The following RBM20 variants were observed in gnomAD, a reference collection of about 807,000 sequenced individuals.
RBM20 encodes the protein RNA binding motif protein 20, also known as RNA-binding protein 20.
A neutral mutation model predicts 110.1 loss-of-function variants in RBM20; 51 were observed. The observed-to-expected ratio is 0.46, with a 90% CI of 0.37 to 0.59. RBM20 has a LOEUF of 0.59. Among genes scored for constraint, RBM20 ranks in the 20% least tolerant of loss-of-function variants. The pLI, the probability that RBM20 is intolerant of heterozygous loss-of-function variation, is 0.00. For synonymous variants in RBM20, 589 were observed against 618.2 expected (o/e 0.95, Z 0.70); for missense variants, 1,512 against 1,574.9 (o/e 0.96, Z 0.68).
At chr10:110,724,644 G>A (rs774597874) in intron 1 of RBM20, among the ~76,000 whole-genome samples, 3 of 152,120 alleles carry the variant, frequency 2.0e-5, no homozygotes, top group Non-Finnish European at 2.9e-5. Flanking sequence ...GGGCCATATC[G>A]TTGCCCTGGT....
intron 12 of RBM20, among the ~76,000 whole-genome samples, chr10:110,829,791 C>A (rs1845026279): frequency 6.6e-6 from 1 of 152,154 alleles, no homozygotes; most frequent in Non-Finnish European, 1.5e-5. Context: ...GAGACCTTGC[C>A]TGTCCCCATC....
chr10:110,643,251 C>T (rs1474885210), upstream of RBM20, among the ~76,000 whole-genome samples: 1 of 152,258 alleles, frequency 6.6e-6, no homozygotes, highest in Non-Finnish European at 1.5e-5. Context: ...ACTTAGAACT[C>T]CTGTATGCCG....
At position 110,697,021 on chromosome 10, in the gene RBM20, A is replaced by G. The variant is rs188377760; in HGVS notation, c.191+52376A>G. On this transcript the variant is annotated intron_variant, in intron 1 of 13. Coordinates refer to ENST00000369519, the MANE Select transcript of RBM20 (RefSeq NM_001134363.3). ...TCATCATAGATTAGTTTTGTTGGGG[A>G]CTTTTTTAGACTATCCACTTCTTAA... 1.8e-4 allele frequency among the ~76,000 whole-genome samples: 28 copies of G among 152,272 alleles called. No homozygotes were observed. In the South Asian group the frequency reaches 2.9e-3, roughly 16 times the overall value.
chr10:110,644,548 TC>T lies in RBM20; in HGVS notation c.98del (p.Pro33ArgfsTer71), dbSNP rs1413443268. 2.6e-6 allele frequency: 4 copies of T among 1,524,282 alleles called. No individual in the cohort carries two copies. Among genetic ancestry groups the T allele is most frequent in the African/African-American group, 1.4e-5 (1 of 70,106 alleles). The allele number at this position is 1,524,282 out of a possible 1,614,324, so 94.4% of individuals were successfully genotyped here. ...CTGCAGTGTGCCTGGTGCCCGGGCG[TC>T]CCCGGCACCCTCCGGCCCGCGAGGG... Reference protein sequence around the residue: ...VACSVPGARASPAPSGPRGMQ... With the variant: ...VACSVPGARAXPAPSGPRGMQ... On this transcript the variant is annotated frameshift_variant, in exon 1 of 14. Transcript: ENST00000369519. LOFTEE classifies it high-confidence loss of function. The surrounding 1 kb of genome is among the most constrained non-coding windows in gnomAD (Gnocchi z 4.3).
At chr10:110,659,775 C>G (rs1333128357) in intron 1 of RBM20, among the ~76,000 whole-genome samples, 2 of 150,442 alleles carry the variant, frequency 1.3e-5, no homozygotes, top group Admixed American at 6.6e-5. Context: ...TCTTCTTCCT[C>G]TTCCTCCTCC....
At chr10:110,662,563 G>T (rs1285700197) in intron 1 of RBM20, among the ~76,000 whole-genome samples, 1 of 152,170 alleles carries the variant, frequency 6.6e-6, no homozygotes, top group Non-Finnish European at 1.5e-5. Flanking sequence ...TCACTTTTTG[G>T]TAGGGAACAT....
chr10:110,695,025 A>C (rs1862640558), intron 1 of RBM20, among the ~76,000 whole-genome samples: 1 of 152,198 alleles, frequency 6.6e-6, no homozygotes, highest in Non-Finnish European at 1.5e-5. Context: ...TTGACAGGGC[A>C]AAACTGAATT....
At chr10:110,716,252 T>C (rs1863015129) in intron 1 of RBM20, among the ~76,000 whole-genome samples, 1 of 152,170 alleles carries the variant, frequency 6.6e-6, no homozygotes, top group Non-Finnish European at 1.5e-5. Context: ...AGGCCCCAGA[T>C]GTCTCCCTCC....
chr10:110,643,409 C>T (rs1861815758), upstream of RBM20, among the ~76,000 whole-genome samples: 1 of 152,238 alleles, frequency 6.6e-6, no homozygotes, highest in African/African-American at 2.4e-5. Flanking sequence ...CTTGAAAGGC[C>T]GCAGGATGTC....
At chr10:110,778,331 G>A (rs182777410) in intron 1 of RBM20, among the ~76,000 whole-genome samples, 2 of 152,308 alleles carry the variant, frequency 1.3e-5, no homozygotes, top group East Asian at 1.9e-4. Context: ...AATAACAAAG[G>A]CATTTTATCT....
At chr10:110,774,035 T>C (rs1844229571) in intron 1 of RBM20, among the ~76,000 whole-genome samples, 1 of 152,172 alleles carries the variant, frequency 6.6e-6, no homozygotes, top group Non-Finnish European at 1.5e-5. Context: ...GAGGATAGAA[T>C]ATTGGCCTTA....
chr10:110,789,048 C>T (rs1844453564), intron 5 of RBM20, among the ~76,000 whole-genome samples: 2 of 152,248 alleles, frequency 1.3e-5, no homozygotes, highest in Admixed American at 1.3e-4. Context: ...TGGTCCTGCG[C>T]CAGCACTTTG....
chr10:110,677,519 C>T (rs1407306865), intron 1 of RBM20, among the ~76,000 whole-genome samples: 2 of 152,066 alleles, frequency 1.3e-5, no homozygotes, highest in African/African-American at 4.8e-5. Context: ...GGGGTTTCAC[C>T]GTGTTAGCCA....
In RBM20 at chr10:110,783,440, CAGG is replaced by C. The variant is rs2135048263; in HGVS notation, c.1337+18_1337+20del. ...TCTTCTCTGAAAAGTAAGTGCTGTT[CAGG>C]AGGACAGGCTCATGCGTAGGCTCAA... On this transcript the variant is annotated intron_variant, in intron 3 of 13. Transcript: ENST00000369519. 1.3e-6 allele frequency: 2 copies of C among 1,545,700 alleles called. No individual in the cohort carries two copies. Among genetic ancestry groups the C allele is most frequent in the East Asian group, 2.4e-5 (1 of 40,868 alleles).
chr10:110,774,635 C>T (rs570087273), intron 1 of RBM20, among the ~76,000 whole-genome samples: 2 of 152,162 alleles, frequency 1.3e-5, no homozygotes, highest in South Asian at 4.2e-4. Flanking sequence ...AGGACGCCAA[C>T]TTCATTGGCT....
chr10:110,757,874 G>A (rs1705916180), intron 1 of RBM20, among the ~76,000 whole-genome samples: 1 of 152,062 alleles, frequency 6.6e-6, no homozygotes, highest in Admixed American at 6.5e-5. Context: ...TCTTTTGGGT[G>A]GCTTTTGTCC....
rs574971044 is a variant in RBM20, at chr10:110,836,707, C to T, written c.*729C>T. ...AATTTTAGAGAAGATGAAAAGAGCC[C>T]TTCATTTTGGAAGCTCTGATAAGTT... On this transcript the variant is annotated 3_prime_UTR_variant, in exon 14 of 14. Coordinates refer to ENST00000369519, the MANE Select transcript of RBM20 (RefSeq NM_001134363.3). 6.6e-6 allele frequency: 1 copy of T among 152,310 alleles called. No homozygotes were observed. Among genetic ancestry groups the T allele is most frequent in the South Asian group, 2.1e-4 (1 of 4,826 alleles). The allele number at this position is 152,310 out of a possible 1,614,324, so 9.4% of individuals were successfully genotyped here. A position where few individuals can be genotyped will look rare whatever the true frequency, so the allele number is the denominator to read the frequency against.
chr10:110,643,484 ACAGGGCTT>A (rs1479645825), upstream of RBM20, among the ~76,000 whole-genome samples: 2 of 152,224 alleles, frequency 1.3e-5, no homozygotes, highest in Non-Finnish European at 2.9e-5. Context: ...AGGGTAATTA[ACAGGGCTT>A]CAGAGGGCGT....
At chr10:110,807,980 G>A (rs532611165) in intron 7 of RBM20, among the ~76,000 whole-genome samples, 3 of 152,334 alleles carry the variant, frequency 2.0e-5, no homozygotes, top group African/African-American at 7.2e-5. Flanking sequence ...GGTCCTGATG[G>A]TTCCCACCAG....
Sources: allele counts gnomAD v4.1 joint callset (sites outside exome capture counted in the v4.1 genomes callset), GRCh38; gene constraint gnomAD v4.1.1; non-coding constraint Gnocchi (gnomAD v3.1); transcripts MANE v1.5; gene names NCBI Gene and HGNC (gene_info 2026-07-23, HGNC 2026-07-21).